PRKG1: variants seen among roughly 807,000 people sequenced by gnomAD.
PRKG1 encodes the protein cGMP-dependent protein kinase 1.
In PRKG1, 35 loss-of-function variants were observed where a neutral mutation model predicts 88.1. The ratio of observed to expected loss-of-function variants is 0.40; its 90% CI spans 0.30 to 0.53. PRKG1 has a LOEUF of 0.53. PRKG1 is among the 20% of genes least tolerant of loss of function. PRKG1 has a pLI of 0.59. For synonymous variants in PRKG1, 303 were observed against 292.5 expected (o/e 1.04, Z -0.37); for missense variants, 540 against 839.8 (o/e 0.64, Z 4.41).
At chr10:51,312,788 G>A (rs181364464) in intron 2 of PRKG1, among the ~76,000 whole-genome samples, 42 of 151,726 alleles carry the variant, frequency 2.8e-4, no homozygotes, top group Non-Finnish European at 4.4e-4. Flanking sequence ...ACTATTTCCA[G>A]TCCCCAAGTA....
At chr10:51,460,494 C>T (rs1054306165) in intron 2 of PRKG1, among the ~76,000 whole-genome samples, 4 of 152,134 alleles carry the variant, frequency 2.6e-5, no homozygotes, top group Non-Finnish European at 5.9e-5. Context: ...GTTCAGCTCT[C>T]GTTTATTTAG....
intron 5 of PRKG1, among the ~76,000 whole-genome samples, chr10:52,005,096 A>G (rs775569215): frequency 2.6e-5 from 4 of 152,126 alleles, no homozygotes; most frequent in Non-Finnish European, 4.4e-5. Context: ...CAAGCTCTCT[A>G]TAAGGGTTTG....
chr10:51,374,321 C>T (rs1040237705), intron 2 of PRKG1, among the ~76,000 whole-genome samples: 1 of 150,276 alleles, frequency 6.7e-6, no homozygotes, highest in African/African-American at 2.5e-5. Flanking sequence ...TCAACTCCCA[C>T]CCATGAGTGA....
chr10:51,817,351 C>CA (rs539915395), intron 4 of PRKG1, among the ~76,000 whole-genome samples: 1 of 147,544 alleles, frequency 6.8e-6, no homozygotes, highest in African/African-American at 2.5e-5. Context: ...TCCCCAACCC[C>CA]CCCCCTCCCC....
At chr10:51,299,514 C>G (rs1840817371) in intron 2 of PRKG1, 2 of 466,152 alleles carry the variant, frequency 4.3e-6, no homozygotes, top group African/African-American at 4.0e-5. Flanking sequence ...CCTCTTTTTG[C>G]TCATTCTTTA....
At chr10:51,345,880 T>C (rs1031085136) in intron 2 of PRKG1, among the ~76,000 whole-genome samples, 1 of 152,212 alleles carries the variant, frequency 6.6e-6, no homozygotes, top group Non-Finnish European at 1.5e-5. Context: ...CTGGCAATGA[T>C]GAGTTCTGGA....
chr10:51,923,570 G>T (rs1842508456), intron 5 of PRKG1, among the ~76,000 whole-genome samples: 1 of 146,472 alleles, frequency 6.8e-6, no homozygotes. Context: ...ATTTTTTAGT[G>T]GTTGCCCTTG....
chr10:51,162,660 A>G (rs1846394800), intron 2 of PRKG1, among the ~76,000 whole-genome samples: 1 of 152,186 alleles, frequency 6.6e-6, no homozygotes, highest in Non-Finnish European at 1.5e-5. Context: ...CTTGTATCAC[A>G]AAACACCCAT....
chr10:52,297,310 G>C lies in PRKG1; in HGVS notation c.*3410G>C, dbSNP rs567619592. 1.3e-5 allele frequency: 2 copies of C among 152,020 alleles called. No individual in the cohort carries two copies. The highest frequency in any genetic ancestry group is 2.1e-4 in the South Asian group (1 of 4,820). The allele number at this position is 152,020 out of a possible 1,614,324, so 9.4% of individuals were successfully genotyped here. ...ATGTCAACTGTACTGTTATTCATCTGTCCCATAGTTTAGAACATGACCTGG... is the reference window on the plus strand; with the variant it reads ...ATGTCAACTGTACTGTTATTCATCTCTCCCATAGTTTAGAACATGACCTGG... On this transcript the variant is annotated 3_prime_UTR_variant, in exon 18 of 18. Transcript: ENST00000373980.
chr10:51,256,845 G>A (rs748487074), intron 2 of PRKG1, among the ~76,000 whole-genome samples: 27 of 151,972 alleles, frequency 1.8e-4, no homozygotes, highest in Non-Finnish European at 3.1e-4. Context: ...GACTATGGGG[G>A]AAGCTATTGA....
At chr10:52,068,496 A>C (rs1846416255) in intron 7 of PRKG1, among the ~76,000 whole-genome samples, 1 of 152,162 alleles carries the variant, frequency 6.6e-6, no homozygotes, top group South Asian at 2.1e-4. Context: ...ATGATTAGTC[A>C]CTGAGAAGAA....
chr10:51,923,181 A>G (rs1343559683), intron 5 of PRKG1, among the ~76,000 whole-genome samples: 1 of 151,782 alleles, frequency 6.6e-6, no homozygotes, highest in African/African-American at 2.4e-5. Context: ...TCTTGCTGTG[A>G]AGTTTGTTTT....
chr10:51,125,765 A>G (rs1845381004), intron 1 of PRKG1, among the ~76,000 whole-genome samples: 1 of 145,454 alleles, frequency 6.9e-6, no homozygotes, highest in African/African-American at 2.5e-5. Flanking sequence ...TAAAAATTAT[A>G]TATTTTTAAT....
intron 3 of PRKG1, among the ~76,000 whole-genome samples, chr10:51,681,716 T>A (rs901600513): frequency 6.6e-6 from 1 of 152,168 alleles, no homozygotes; most frequent in Non-Finnish European, 1.5e-5. Context: ...TTTGTAGGAC[T>A]ATTTTCTTTA....
At chr10:51,083,934 A>T (rs901491333) in intron 1 of PRKG1, among the ~76,000 whole-genome samples, 1 of 152,172 alleles carries the variant, frequency 6.6e-6, no homozygotes, top group Non-Finnish European at 1.5e-5. Flanking sequence ...TCAGGTGAGG[A>T]TCAGCCAATA....
chr10:51,412,211 G>GAGAA (rs374467182), intron 2 of PRKG1, among the ~76,000 whole-genome samples: 3 of 123,940 alleles, frequency 2.4e-5, no homozygotes, highest in African/African-American at 1.1e-4. Context: ...GAGAGAGAGA[G>GAGAA]AGAAAGAAAG....
intron 2 of PRKG1, among the ~76,000 whole-genome samples, chr10:51,324,571 CAAAAAAA>C (rs34429733): frequency 5.9e-5 from 5 of 84,450 alleles, no homozygotes; most frequent in Admixed American, 1.3e-4. Context: ...ACTAAAAATA[CAAAAAAA>C]AAAAAAAAAA....
chr10:51,984,355 A>C (rs1441621365), intron 5 of PRKG1, among the ~76,000 whole-genome samples: 1 of 152,200 alleles, frequency 6.6e-6, no homozygotes, highest in Non-Finnish European at 1.5e-5. Flanking sequence ...CTATAAACAA[A>C]GTTTATTATT....
At chr10:51,760,102 C>G (rs986078055) in intron 3 of PRKG1, among the ~76,000 whole-genome samples, 1 of 152,188 alleles carries the variant, frequency 6.6e-6, no homozygotes, top group Admixed American at 6.5e-5. Context: ...CTAAAAATGA[C>G]TAATCTACCA....
Sources: allele counts gnomAD v4.1 joint callset (sites outside exome capture counted in the v4.1 genomes callset), GRCh38; gene constraint gnomAD v4.1.1; transcripts MANE v1.5; gene names NCBI Gene and HGNC (gene_info 2026-07-23, HGNC 2026-07-21).